SSH2: variants seen among roughly 807,000 people sequenced by gnomAD.
SSH2 encodes the protein slingshot protein phosphatase 2.
A neutral mutation model predicts 135.2 loss-of-function variants in SSH2; 37 were observed. That is an observed-to-expected ratio of 0.27 (90% confidence interval 0.21 to 0.36). The LOEUF (loss-of-function observed/expected upper bound fraction) is 0.36, where lower values mean the gene tolerates loss of function less well. Ranked by LOEUF, SSH2 falls within the 10% of genes least tolerant of loss-of-function variation. The pLI is 1.00. For synonymous variants in SSH2, 628 were observed against 646.2 expected (o/e 0.97, Z 0.43); for missense variants, 1,408 against 1,765.3 (o/e 0.80, Z 3.63).
At chr17:29,922,233 G>T (rs1597514649) in intron 1 of SSH2, among the ~76,000 whole-genome samples, 1 of 152,320 alleles carries the variant, frequency 6.6e-6, no homozygotes, top group Non-Finnish European at 1.5e-5. Flanking sequence ...GGAAGAGACA[G>T]GGCTGAAGAG....
intron 14 of SSH2, chr17:29,641,662 T>A (rs1440448844): frequency 6.6e-6 from 1 of 152,224 alleles, no homozygotes; most frequent in African/African-American, 2.4e-5. Flanking sequence ...ATCTTCTCTG[T>A]ATAGTTCCAA....
At chr17:29,846,174 G>T (rs984709489) in intron 2 of SSH2, among the ~76,000 whole-genome samples, 2 of 152,072 alleles carry the variant, frequency 1.3e-5, no homozygotes, top group East Asian at 3.8e-4. Flanking sequence ...AAGTAGCTGG[G>T]ACTACAGGCA....
chr17:29,704,626 C>A, intron 3 of SSH2, among the ~76,000 whole-genome samples: 1 of 149,654 alleles, frequency 6.7e-6, no homozygotes. Context: ...TCACTTGAGC[C>A]TAGGAGTTCG....
chr17:29,626,187 AG>A lies in SSH2; in HGVS notation c.*4653del, dbSNP rs1465029169. The A allele has an allele frequency of 6.6e-6, 1 of 152,374 alleles. No homozygotes were observed. Among genetic ancestry groups the A allele is most frequent in the African/African-American group, 2.4e-5 (1 of 41,332 alleles). 9.4% of individuals were successfully genotyped at this position (152,374 alleles called of 1,614,324 possible). A position where few individuals can be genotyped will look rare whatever the true frequency, so the allele number is the denominator to read the frequency against. On this transcript the variant is annotated 3_prime_UTR_variant, in exon 16 of 16. Transcript: ENST00000540801. ...TGCTTTAATAAAACATGAGCATAAA[AG>A]TTTGGGGTGGCTTGGGGCAAAGGTA...
rs563803251 is a variant in SSH2, at chr17:29,770,092, G to GTTTTTTTTTT, written c.188+23792_188+23801dup. On this transcript the variant is annotated intron_variant, in intron 3 of 15. Coordinates refer to ENST00000540801, the MANE Select transcript of SSH2 (RefSeq NM_001282129.2). ...TCAAAACAAATTTTTGCTATATTTA[G>GTTTTTTTTTT]TTTTTTTTTTTTTTTTTTTTTTTTT... 4.1e-5 allele frequency among the ~76,000 whole-genome samples: 3 copies of GTTTTTTTTTT among 72,924 alleles called. 1 individual carries two copies. The highest frequency in any genetic ancestry group is 1.4e-4 in the African/African-American group (3 of 21,392). 47.8% of individuals were successfully genotyped at this position (72,924 alleles called of 152,430 possible).
chr17:29,735,273 T>TAACA (rs1000807153), intron 3 of SSH2, among the ~76,000 whole-genome samples: 1 of 152,182 alleles, frequency 6.6e-6, no homozygotes, highest in African/African-American at 2.4e-5. Context: ...TTTTAATAGA[T>TAACA]AACAGCTCAC....
chr17:29,756,877 G>C (rs926072788), intron 3 of SSH2, among the ~76,000 whole-genome samples: 4 of 151,626 alleles, frequency 2.6e-5, no homozygotes, highest in African/African-American at 4.9e-5. Context: ...GGCTGGTCTC[G>C]AACTCCTGAC....
intron 6 of SSH2, among the ~76,000 whole-genome samples, chr17:29,679,277 T>C (rs1269638961): frequency 1.3e-5 from 2 of 152,206 alleles, no homozygotes; most frequent in Non-Finnish European, 2.9e-5. Context: ...AGAAAGAATC[T>C]GGCATAACCA....
At chr17:29,854,903 C>A (rs780534149) in intron 1 of SSH2, among the ~76,000 whole-genome samples, 57 of 151,984 alleles carry the variant, frequency 3.8e-4, no homozygotes, top group Non-Finnish European at 6.6e-4. Context: ...GCCGAGATTG[C>A]GCCACTGCAC....
intron 3 of SSH2, among the ~76,000 whole-genome samples, chr17:29,742,886 C>T (rs1220869065): frequency 6.6e-6 from 1 of 152,064 alleles, no homozygotes; most frequent in African/African-American, 2.4e-5. Context: ...CCGCCGACCT[C>T]AGCCTCCCAA....
intron 1 of SSH2, among the ~76,000 whole-genome samples, chr17:29,893,618 C>A (rs1359878728): frequency 6.6e-6 from 1 of 151,998 alleles, no homozygotes; most frequent in Admixed American, 6.6e-5. Flanking sequence ...AAATAAATTT[C>A]TATTATTTAT....
chr17:29,925,234 CTTTG>C (rs1033479900), intron 1 of SSH2: 6 of 288,906 alleles, frequency 2.1e-5, no homozygotes, highest in Admixed American at 1.0e-4. Flanking sequence ...TAGTATTATA[CTTTG>C]TTTATTTAAC....
chr17:29,665,016 A>G (rs1196345963), intron 11 of SSH2, among the ~76,000 whole-genome samples: 1 of 152,168 alleles, frequency 6.6e-6, no homozygotes, highest in Non-Finnish European at 1.5e-5. Context: ...TTGACTTTCA[A>G]GTTTGCAGCT....
intron 2 of SSH2, among the ~76,000 whole-genome samples, chr17:29,831,032 T>C (rs1220689908): frequency 6.6e-6 from 1 of 152,186 alleles, no homozygotes; most frequent in Non-Finnish European, 1.5e-5. Flanking sequence ...AACGTGCCAG[T>C]GGATTTTAAT....
intron 5 of SSH2, among the ~76,000 whole-genome samples, chr17:29,686,226 C>CATATA (rs1466921124): frequency 6.6e-6 from 1 of 152,110 alleles, no homozygotes; most frequent in East Asian, 1.9e-4. Flanking sequence ...ATTTATTACA[C>CATATA]ATATATTATA....
intron 1 of SSH2, among the ~76,000 whole-genome samples, chr17:29,885,341 T>C (rs966269778): frequency 8.8e-5 from 9 of 102,126 alleles, no homozygotes; most frequent in Non-Finnish European, 1.9e-4. Context: ...TTCTTGCTAT[T>C]GTATCATAAA....
intron 2 of SSH2, among the ~76,000 whole-genome samples, chr17:29,808,947 C>T (rs1402458951): frequency 2.0e-5 from 3 of 152,108 alleles, no homozygotes; most frequent in African/African-American, 7.2e-5. Context: ...GCTTTGATCT[C>T]TTGTCAAAAA....
At chr17:29,901,772 C>T (rs2066559696) in intron 1 of SSH2, among the ~76,000 whole-genome samples, 1 of 150,984 alleles carries the variant, frequency 6.6e-6, no homozygotes, top group South Asian at 2.1e-4. Flanking sequence ...TTCTTTCTCC[C>T]TCCCTCCCTT....
intron 4 of SSH2, among the ~76,000 whole-genome samples, chr17:29,696,174 TAC>T (rs199942164): frequency 0.037 from 5,052 of 136,970 alleles, 99 homozygotes; most frequent in African/African-American, 0.046. Context: ...TGTATATATA[TAC>T]ACACACACAC....
Sources: gnomAD v4.1 joint callset for allele counts (sites outside exome capture counted in the v4.1 genomes callset) on GRCh38, gnomAD v4.1.1 for gene constraint, MANE v1.5 for transcripts, NCBI Gene and HGNC (gene_info 2026-07-23, HGNC 2026-07-21) for gene names.